Variants in PEX5L observed in about 807,000 individuals in gnomAD.
PEX5L encodes the protein peroxisomal biogenesis factor 5 like, also known as PEX5-related protein.
Under a neutral mutation model 84.0 loss-of-function variants are expected in PEX5L, and 30 were observed. That is an observed-to-expected ratio of 0.36 (90% confidence interval 0.27 to 0.48). The LOEUF is 0.48. PEX5L is among the 20% of genes least tolerant of loss of function. PEX5L has a pLI of 0.99. For synonymous variants in PEX5L, 270 were observed against 283.1 expected, an observed-to-expected ratio of 0.95 and a Z score of 0.46; for missense variants, 533 against 754.6, an observed-to-expected ratio of 0.71 and a Z score of 3.44.
intron 2 of PEX5L, among the ~76,000 whole-genome samples, chr3:179,962,641 T>A (rs1226711849): frequency 6.6e-6 from 1 of 152,186 alleles, no homozygotes; most frequent in Non-Finnish European, 1.5e-5. Context: ...AGATCTAATA[T>A]TTACAGTTCT....
At chr3:179,843,263 T>C (rs1737988037) in intron 8 of PEX5L, among the ~76,000 whole-genome samples, 1 of 152,118 alleles carries the variant, frequency 6.6e-6, no homozygotes, top group African/African-American at 2.4e-5. Flanking sequence ...GCACATCAAA[T>C]CACCTGAAGA....
chr3:179,968,988 T>C (rs1336016930), intron 2 of PEX5L, among the ~76,000 whole-genome samples: 2 of 152,066 alleles, frequency 1.3e-5, no homozygotes, highest in African/African-American at 4.8e-5. Flanking sequence ...AAAATCCACA[T>C]ACATGGTGCT....
chr3:180,020,900 A>G (rs1320058810), intron 1 of PEX5L, among the ~76,000 whole-genome samples: 2 of 152,202 alleles, frequency 1.3e-5, no homozygotes, highest in Non-Finnish European at 2.9e-5. Context: ...TTGTTCAACA[A>G]TTCTTTATTT....
intron 10 of PEX5L, 64 bp from the exon 11 acceptor site, chr3:179,811,935 G>GT: frequency 7.4e-7 from 1 of 1,342,520 alleles, no homozygotes; most frequent in Non-Finnish European, 1.1e-6. Context: ...GCTTCAGTTG[G>GT]TTTGTTGACC....
At chr3:180,012,791 C>G (rs1049796102) in intron 1 of PEX5L, among the ~76,000 whole-genome samples, 6 of 151,686 alleles carry the variant, frequency 4.0e-5, no homozygotes, top group Non-Finnish European at 8.8e-5. Flanking sequence ...TTTTTAATAC[C>G]TATATCTTAT....
At chr3:179,807,867 A>G (rs1297827083) in intron 13 of PEX5L, 36 bp from the exon 14 acceptor site, 2 of 1,583,052 alleles carry the variant, frequency 1.3e-6, no homozygotes, top group South Asian at 2.2e-5. Flanking sequence ...ACAACCCAGT[A>G]CAAGGCACAA....
intron 12 of PEX5L, among the ~76,000 whole-genome samples, chr3:179,809,248 A>G (rs1255668152): frequency 6.6e-6 from 1 of 152,134 alleles, no homozygotes; most frequent in East Asian, 1.9e-4. Flanking sequence ...TGGCACTCAG[A>G]TAAATGTCTG....
chr3:179,897,061 A>G (rs974627077), intron 3 of PEX5L, among the ~76,000 whole-genome samples: 2 of 152,128 alleles, frequency 1.3e-5, no homozygotes, highest in African/African-American at 4.8e-5. Context: ...GTTATATGTT[A>G]TAATTTTTAT....
rs190071231 is a variant in PEX5L, at chr3:179,871,834, G to A, written c.726+2493C>T. Among the ~76,000 whole-genome samples, 538 of 152,302 alleles carry A rather than the reference G, an allele frequency of 3.5e-3. 3 individuals carry two copies. Among genetic ancestry groups the A allele is most frequent in the Middle Eastern group, 0.014 (4 of 294 alleles). ...TCTGGCTCAGCAGGCTGCCTGATTC[G>A]TGAATTGTTCTTTGCTCAGTAACTC... On this transcript the variant is annotated intron_variant, in intron 7 of 14. Transcript: ENST00000467460.
rs539464950 is a variant in PEX5L, at chr3:180,028,937, C to A, written c.21+7642G>T. Among the ~76,000 whole-genome samples, 112 of 152,122 alleles carry A rather than the reference C, an allele frequency of 7.4e-4. 1 individual carries two copies. Among genetic ancestry groups the A allele is most frequent in the Admixed American group, 2.5e-3 (38 of 15,278 alleles). On this transcript the variant is annotated intron_variant, in intron 1 of 14. Coordinates refer to ENST00000467460, the MANE Select transcript of PEX5L (RefSeq NM_016559.3). Reference sequence around the variant, plus strand: ...AGAAACATCAGAACACTTTATAGAACAATTTAATATAAAGAAGCTAATGCA... The same window carrying A: ...AGAAACATCAGAACACTTTATAGAAAAATTTAATATAAAGAAGCTAATGCA...
intron 8 of PEX5L, among the ~76,000 whole-genome samples, chr3:179,851,476 C>T (rs1741856785): frequency 6.6e-6 from 1 of 152,118 alleles, no homozygotes; most frequent in African/African-American, 2.4e-5. Flanking sequence ...CCTATGAATG[C>T]TAAAGGGGCA....
At chr3:179,945,602 C>T (rs1373208763) in intron 2 of PEX5L, among the ~76,000 whole-genome samples, 2 of 152,124 alleles carry the variant, frequency 1.3e-5, no homozygotes, top group East Asian at 1.9e-4. Flanking sequence ...ACAGTTCCCA[C>T]GGAGGCTAGT....
chr3:180,010,798 A>G (rs920513406), intron 1 of PEX5L, among the ~76,000 whole-genome samples: 2 of 151,768 alleles, frequency 1.3e-5, no homozygotes, highest in African/African-American at 2.4e-5. Flanking sequence ...CATTGCCCCA[A>G]CTGGCTTTTC....
intron 1 of PEX5L, among the ~76,000 whole-genome samples, chr3:180,034,407 C>T (rs1791714555): frequency 6.6e-6 from 1 of 151,224 alleles, no homozygotes; most frequent in Non-Finnish European, 1.5e-5. Flanking sequence ...TTCTTCTTAT[C>T]TGTGATTAGA....
At chr3:179,915,519 A>G (rs1169342642) in intron 2 of PEX5L, among the ~76,000 whole-genome samples, 1 of 152,254 alleles carries the variant, frequency 6.6e-6, no homozygotes, top group East Asian at 1.9e-4. Context: ...AAAGTCACTC[A>G]ATTTTGAAGA....
intron 2 of PEX5L, among the ~76,000 whole-genome samples, chr3:179,925,266 G>A (rs1277929512): frequency 6.6e-6 from 1 of 152,058 alleles, no homozygotes; most frequent in South Asian, 2.1e-4. Flanking sequence ...TTTTAAAAAG[G>A]CATCCAGTAG....
Position 179,801,686 on chromosome 3 carries a change from C to T in PEX5L, c.*142G>A. 1.5e-6 allele frequency: 1 copy of T among 659,814 alleles called. No individual in the cohort carries two copies. Among genetic ancestry groups the T allele is most frequent in the Non-Finnish European group, 2.7e-6 (1 of 373,964 alleles). 40.9% of individuals were successfully genotyped at this position (659,814 alleles called of 1,614,324 possible). Reference sequence around the variant, plus strand: ...CTGAACAGAGACTGGGCATTGTCCACAGGAATTAATTTCCTTGGGCTATAT... The same window carrying T: ...CTGAACAGAGACTGGGCATTGTCCATAGGAATTAATTTCCTTGGGCTATAT... On this transcript the variant is annotated 3_prime_UTR_variant, in exon 15 of 15. Coordinates refer to ENST00000467460, the MANE Select transcript of PEX5L (RefSeq NM_016559.3).
chr3:179,944,568 C>G (rs557734490), intron 2 of PEX5L, among the ~76,000 whole-genome samples: 7 of 152,224 alleles, frequency 4.6e-5, no homozygotes, highest in Admixed American at 4.6e-4. Context: ...ATTCTCATCC[C>G]TTCCTTTTCC....
At chr3:179,836,982 T>A (rs956335584) in intron 8 of PEX5L, among the ~76,000 whole-genome samples, 32 of 152,210 alleles carry the variant, frequency 2.1e-4, no homozygotes, top group Admixed American at 1.6e-3. Flanking sequence ...ACTTTGATTA[T>A]CTTTGACAGA....
Sources: allele counts gnomAD v4.1 joint callset (sites outside exome capture counted in the v4.1 genomes callset), GRCh38; gene constraint gnomAD v4.1.1; transcripts MANE v1.5; gene names NCBI Gene and HGNC (gene_info 2026-07-23, HGNC 2026-07-21).